Variants in PCDHGB2 observed in about 807,000 individuals in gnomAD.
PCDHGB2 encodes protocadherin gamma subfamily B, 2.
PCDHGB2 carries 55 observed loss-of-function variants against 59.3 expected under a neutral mutation model. The ratio of observed to expected loss-of-function variants is 0.93; its 90% CI spans 0.75 to 1.16. PCDHGB2 has a LOEUF of 1.16. PCDHGB2 is among the 50% of genes most tolerant of loss of function. PCDHGB2 has a pLI of 0.00. For synonymous variants in PCDHGB2, 516 were observed against 512.0 expected (o/e 1.01, Z -0.11); for missense variants, 1,228 against 1,198.5 (o/e 1.02, Z -0.36).
intron 1 of PCDHGB2, among the ~76,000 whole-genome samples, chr5:141,434,495 G>A (rs1414485396): frequency 6.6e-6 from 1 of 152,220 alleles, no homozygotes; most frequent in Non-Finnish European, 1.5e-5. Flanking sequence ...GGCCCGCCCA[G>A]GGCAGAAAAC....
At position 141,510,984 on chromosome 5, in the gene PCDHGB2, C is replaced by T. The variant is rs375865663; in HGVS notation, c.2607C>T (p.Ala869=). The change falls in exon 4 of 4, where the codon GCC becomes GCT. Residue 869 remains alanine (A), a synonymous_variant. Coordinates refer to ENST00000522605, the MANE Select transcript of PCDHGB2 (RefSeq NM_018923.3). ...GGAGCTCCACCCTGGGAGGGGGTGC[C>T]GGCACCATGGGATTGAGCGCCCGCT... The part of the protein sequence containing the change: ...ADGSSTLGGG[A]GTMGLSARYG... 20 of 1,614,044 alleles carry T rather than the reference C, an allele frequency of 1.2e-5. No homozygotes were observed. The East Asian group carries it at 1.6e-4, about 13-fold the overall frequency.
intron 3 of PCDHGB2, 77 bp downstream of exon 3, chr5:141,505,558 C>T (rs945428797): frequency 3.7e-6 from 6 of 1,605,016 alleles, no homozygotes; most frequent in African/African-American, 1.3e-5. Context: ...ACCATGCCCA[C>T]GGACTGGATG....
intron 1 of PCDHGB2, chr5:141,408,120 C>T (rs1375123891): frequency 3.4e-6 from 5 of 1,475,704 alleles, no homozygotes. Flanking sequence ...TCCTCCTGTC[C>T]TGGGCCGAAT....
intron 1 of PCDHGB2, among the ~76,000 whole-genome samples, chr5:141,457,873 G>C (rs967389295): frequency 2.0e-5 from 3 of 152,200 alleles, no homozygotes; most frequent in Non-Finnish European, 4.4e-5. Context: ...CCACAGGTTA[G>C]GAACCCTGTG....
At chr5:141,478,306 G>A (rs1316502939) in intron 1 of PCDHGB2, 2 of 1,614,056 alleles carry the variant, frequency 1.2e-6, no homozygotes, top group South Asian at 2.2e-5. Flanking sequence ...ACCGAGCCCC[G>A]GTGAGCTCAC....
At chr5:141,402,872 T>C in intron 1 of PCDHGB2, 1 of 1,455,372 alleles carries the variant, frequency 6.9e-7, no homozygotes, top group Non-Finnish European at 9.1e-7. Flanking sequence ...AAGATCACCA[T>C]ACTTTGCAGG....
At chr5:141,421,994 T>A (rs765586654) in intron 1 of PCDHGB2, 3 of 1,608,922 alleles carry the variant, frequency 1.9e-6, no homozygotes, top group Non-Finnish European at 2.5e-6. Flanking sequence ...CCAGAAAACA[T>A]CAGCTCCGGA....
intron 1 of PCDHGB2, among the ~76,000 whole-genome samples, chr5:141,458,215 T>C (rs2098940075): frequency 1.3e-5 from 2 of 152,174 alleles, no homozygotes; most frequent in African/African-American, 2.4e-5. Context: ...TTAAAATAAG[T>C]TTCCTTTCCC....
At chr5:141,390,324 A>G in intron 1 of PCDHGB2, 2 of 1,605,484 alleles carry the variant, frequency 1.2e-6, no homozygotes, top group East Asian at 4.5e-5. Flanking sequence ...TTGCCTACCC[A>G]TTTCTCCATA....
At chr5:141,376,310 G>T in intron 1 of PCDHGB2, 1 of 1,613,946 alleles carries the variant, frequency 6.2e-7, no homozygotes, top group Non-Finnish European at 8.5e-7. Context: ...CTTTGTGGGC[G>T]TGGAAGGGGT....
intron 1 of PCDHGB2, chr5:141,414,130 T>C (rs761622500): frequency 6.3e-7 from 1 of 1,594,602 alleles, no homozygotes; most frequent in South Asian, 1.1e-5. Context: ...AACCGGTTTC[T>C]ATGAAATAGA....
intron 1 of PCDHGB2, chr5:141,365,843 G>C: frequency 6.2e-7 from 1 of 1,613,912 alleles, no homozygotes; most frequent in Non-Finnish European, 8.5e-7. Flanking sequence ...GTCCTCCTAT[G>C]TATCCATTAA....
chr5:141,442,700 T>TC (rs1388243183), intron 1 of PCDHGB2, among the ~76,000 whole-genome samples: 5 of 152,198 alleles, frequency 3.3e-5, no homozygotes, highest in Non-Finnish European at 7.3e-5. Flanking sequence ...CAGACAAGAG[T>TC]ATCAGACATG....
intron 1 of PCDHGB2, chr5:141,384,389 AG>A: frequency 1.2e-6 from 2 of 1,613,942 alleles, no homozygotes; most frequent in South Asian, 1.1e-5. Context: ...GACACCATCC[AG>A]GGGGCTCCAG....
intron 1 of PCDHGB2, chr5:141,410,564 T>C: frequency 6.2e-7 from 1 of 1,612,612 alleles, no homozygotes; most frequent in Non-Finnish European, 8.5e-7. Context: ...TCCTGGAGCC[T>C]TAATTCCACC....
At position 141,372,541 on chromosome 5, in the gene PCDHGB2, G is replaced by C. The variant is rs376822583; in HGVS notation, c.2421+9985G>C. Reference sequence around the variant, plus strand: ...ATTCTGGCAATCTCCCTGCGCCTGCGATGCTCCTCCAGACCCGCCACTGAG... The same window carrying C: ...ATTCTGGCAATCTCCCTGCGCCTGCCATGCTCCTCCAGACCCGCCACTGAG... On this transcript the variant is annotated intron_variant, in intron 1 of 3. Transcript: ENST00000522605. 2.5e-6 allele frequency: 4 copies of C among 1,613,980 alleles called. No individual in the cohort carries two copies. The South Asian group carries it at 4.4e-5, about 18-fold the overall frequency.
chr5:141,377,638 G>T (rs1588842725), intron 1 of PCDHGB2: 1 of 151,416 alleles, frequency 6.6e-6, no homozygotes, highest in East Asian at 1.9e-4. Flanking sequence ...TTTTCTCAGT[G>T]TTACTTGATA....
chr5:141,372,183 G>C lies in PCDHGB2; in HGVS notation c.2421+9627G>C, dbSNP rs770498510. 5 of 1,613,672 alleles carry C rather than the reference G, an allele frequency of 3.1e-6. No individual in the cohort carries two copies. The Admixed American group carries it at 8.3e-5, about 27-fold the overall frequency. On this transcript the variant is annotated intron_variant, in intron 1 of 3. Coordinates refer to ENST00000522605, the MANE Select transcript of PCDHGB2 (RefSeq NM_018923.3). ...GACCAAGGTGGTGGCGGTGGACGCA[G>C]ACTCGGGATACAACGCCTGGCTGTC...
intron 1 of PCDHGB2, chr5:141,410,268 A>C: frequency 6.2e-7 from 1 of 1,613,994 alleles, no homozygotes. Context: ...GCTGAACTGC[A>C]GTTTTACCTG....
Sources: allele counts gnomAD v4.1 joint callset (sites outside exome capture counted in the v4.1 genomes callset), GRCh38; gene constraint gnomAD v4.1.1; transcripts MANE v1.5; gene names NCBI Gene and HGNC (gene_info 2026-07-23, HGNC 2026-07-21).